The following SNAP91 variants were observed in gnomAD, a reference collection of about 807,000 sequenced individuals.
SNAP91 encodes the protein synaptosome associated protein 91.
In SNAP91, 27 loss-of-function variants were observed where a neutral mutation model predicts 100.3. The ratio of observed to expected loss-of-function variants is 0.27; its 90% confidence interval spans 0.20 to 0.37. The LOEUF is 0.37. Ranked by LOEUF, SNAP91 falls within the 10% of genes least tolerant of loss-of-function variation. The probability of loss-of-function intolerance (pLI) is 1.00; values close to 1 mark genes in which losing one functional copy is unlikely to be tolerated. For synonymous variants in SNAP91, 404 were observed against 398.6 expected (o/e 1.01, Z -0.16); for missense variants, 986 against 1,123.7 (o/e 0.88, Z 1.75).
chr6:83,599,400 T>G lies in SNAP91; in HGVS notation c.1324+1871A>C, dbSNP rs184575863. ...TGCATCCTGTCCATATTTTCCTTAC[T>G]TTTTTTCTGTTAACACAAGCCTATG... On this transcript the variant is annotated intron_variant, in intron 16 of 29. Transcript: ENST00000369694. Among the ~76,000 whole-genome samples the G allele has an allele frequency of 3.2e-3, 493 of 152,286 alleles. 14 individuals are homozygous for G. The East Asian group carries it at 0.034, about 11-fold the overall frequency.
At chr6:83,680,130 AC>A (rs1172381977) in intron 2 of SNAP91, among the ~76,000 whole-genome samples, 1 of 152,044 alleles carries the variant, frequency 6.6e-6, no homozygotes, top group Non-Finnish European at 1.5e-5. Context: ...AAAAGGCTAG[AC>A]CTCTCTCAAT....
At chr6:83,656,716 T>G in intron 7 of SNAP91, 38 bp downstream of exon 7, 1 of 904,988 alleles carries the variant, frequency 1.1e-6, no homozygotes, top group Non-Finnish European at 1.8e-6. Context: ...TTACTGTGTA[T>G]CCCATCAGCC....
chr6:83,663,298 A>C (rs1271535595), intron 3 of SNAP91, among the ~76,000 whole-genome samples: 2 of 152,148 alleles, frequency 1.3e-5, no homozygotes, highest in Non-Finnish European at 2.9e-5. Context: ...TTAAGTCAAG[A>C]GCTAGAAGTG....
intron 2 of SNAP91, among the ~76,000 whole-genome samples, chr6:83,705,730 G>C (rs1291022929): frequency 6.6e-6 from 1 of 151,806 alleles, no homozygotes; most frequent in Admixed American, 6.6e-5. Context: ...AGAATCACTC[G>C]AACCTGGGAG....
intron 8 of SNAP91, among the ~76,000 whole-genome samples, chr6:83,624,441 G>A (rs1221024130): frequency 2.6e-5 from 4 of 152,094 alleles, no homozygotes; most frequent in Non-Finnish European, 5.9e-5. Context: ...TGATGGAAAT[G>A]TAGAAGTAAA....
rs1009095256 is a variant in SNAP91 at position 83,552,980 on chromosome 6, G to A, written c.*1316C>T. 5 of 152,530 alleles carry A rather than the reference G, an allele frequency of 3.3e-5. No homozygotes were observed. Among genetic ancestry groups the A allele is most frequent in the African/African-American group, 4.8e-5 (2 of 41,440 alleles). The allele number at this position is 152,530 out of a possible 1,614,324, so 9.4% of individuals were successfully genotyped here. A position where few individuals can be genotyped will look rare whatever the true frequency, so the allele number is the denominator to read the frequency against. The stretch of plus-strand genomic sequence containing the variant: ...ATACAAAGAAAGCCATTTTGAAATT[G>A]GTTTTAGGTAATTTTTCCCCATTAC... On this transcript the variant is annotated 3_prime_UTR_variant, in exon 30 of 30. Coordinates refer to ENST00000369694, the MANE Select transcript of SNAP91 (RefSeq NM_001242792.2).
chr6:83,577,364 C>T (rs1422911462), intron 24 of SNAP91, among the ~76,000 whole-genome samples: 1 of 151,848 alleles, frequency 6.6e-6, no homozygotes, highest in Non-Finnish European at 1.5e-5. Flanking sequence ...TTTTAAAAGA[C>T]AAAATTTATT....
At chr6:83,705,671 G>T (rs369857730) in intron 2 of SNAP91, among the ~76,000 whole-genome samples, 2 of 152,004 alleles carry the variant, frequency 1.3e-5, no homozygotes, top group African/African-American at 4.8e-5. Context: ...TGAGCCAGGC[G>T]TGGTGGTGCA....
At chr6:83,667,999 C>A (rs566787998) in intron 2 of SNAP91, among the ~76,000 whole-genome samples, 2 of 152,254 alleles carry the variant, frequency 1.3e-5, no homozygotes, top group African/African-American at 4.8e-5. Flanking sequence ...AAACAAACAA[C>A]CCCATCAACA....
At chr6:83,643,191 T>G (rs1018705990) in intron 7 of SNAP91, among the ~76,000 whole-genome samples, 2 of 152,184 alleles carry the variant, frequency 1.3e-5, no homozygotes, top group Non-Finnish European at 2.9e-5. Context: ...CTCTTTAGTT[T>G]AATTAGATCC....
intron 8 of SNAP91, among the ~76,000 whole-genome samples, chr6:83,632,078 A>AAC (rs1017204706): frequency 6.6e-6 from 1 of 152,104 alleles, no homozygotes; most frequent in Non-Finnish European, 1.5e-5. Flanking sequence ...ATTTGTCTGA[A>AAC]AAAGACTGTA....
At chr6:83,560,798 T>C in intron 27 of SNAP91, 66 bp downstream of exon 27, 1 of 1,326,568 alleles carries the variant, frequency 7.5e-7, no homozygotes, top group Non-Finnish European at 1.1e-6. Context: ...GAATACTTAG[T>C]AATTTGGGAT....
At chr6:83,677,654 G>A (rs1401105906) in intron 2 of SNAP91, among the ~76,000 whole-genome samples, 1 of 152,168 alleles carries the variant, frequency 6.6e-6, no homozygotes, top group African/African-American at 2.4e-5. Context: ...GTGACCTTAA[G>A]CATGTAATTC....
chr6:83,665,324 AT>A (rs913264720), intron 3 of SNAP91, 114 bp downstream of exon 3: 1 of 1,030,576 alleles, frequency 9.7e-7, no homozygotes, highest in African/African-American at 1.6e-5. Flanking sequence ...GGAACTGTGT[AT>A]TTCCTTTTCT....
intron 2 of SNAP91, among the ~76,000 whole-genome samples, chr6:83,694,045 A>C (rs563302219): frequency 6.6e-6 from 1 of 152,340 alleles, no homozygotes; most frequent in South Asian, 2.1e-4. Context: ...GAATGGAGGA[A>C]TATGCAGTGA....
chr6:83,671,849 G>T (rs1335210747), intron 2 of SNAP91, among the ~76,000 whole-genome samples: 1 of 151,976 alleles, frequency 6.6e-6, no homozygotes, highest in Admixed American at 6.6e-5. Flanking sequence ...CCTAGGAAAA[G>T]ATAGCTGTTT....
intron 11 of SNAP91, among the ~76,000 whole-genome samples, chr6:83,613,400 C>A (rs2096275439): frequency 6.6e-6 from 1 of 152,168 alleles, no homozygotes; most frequent in Non-Finnish European, 1.5e-5. Flanking sequence ...AACCAGACGT[C>A]TTTAAAAAGT....
intron 2 of SNAP91, among the ~76,000 whole-genome samples, chr6:83,683,284 G>GAT (rs1247662742): frequency 6.6e-6 from 1 of 152,116 alleles, no homozygotes; most frequent in Non-Finnish European, 1.5e-5. Context: ...CTTAGTAAGT[G>GAT]ATACAGTTTT....
chr6:83,653,315 C>T (rs766998567), intron 7 of SNAP91, among the ~76,000 whole-genome samples: 1 of 151,858 alleles, frequency 6.6e-6, no homozygotes, highest in East Asian at 1.9e-4. Context: ...TCTGTTCTGC[C>T]GTTTTTGTCT....
Sources: gnomAD v4.1 joint callset for allele counts (sites outside exome capture counted in the v4.1 genomes callset) on GRCh38, gnomAD v4.1.1 for gene constraint, MANE v1.5 for transcripts, NCBI Gene and HGNC (gene_info 2026-07-23, HGNC 2026-07-21) for gene names.